The following CACNB4 variants were observed in gnomAD, a reference collection of about 807,000 sequenced individuals.
CACNB4 encodes the protein calcium voltage-gated channel auxiliary subunit beta 4.
CACNB4 carries 32 observed loss-of-function variants against 71.2 expected under a neutral mutation model. The ratio of observed to expected loss-of-function variants is 0.45; its 90% CI spans 0.34 to 0.60. The LOEUF (loss-of-function observed/expected upper bound fraction) is 0.60. CACNB4 is among the 20% of genes least tolerant of loss of function. CACNB4 has a pLI of 0.01. For synonymous variants in CACNB4, 231 were observed against 236.9 expected (o/e 0.97, Z 0.23); for missense variants, 464 against 647.9 (o/e 0.72, Z 3.08).
At chr2:151,952,712 G>A (rs1056327013) in intron 2 of CACNB4, among the ~76,000 whole-genome samples, 9 of 152,184 alleles carry the variant, frequency 5.9e-5, no homozygotes, top group Admixed American at 1.3e-4. Context: ...GCAAATCAAC[G>A]CCCTGATTCC....
At chr2:151,904,939 G>C (rs2099854420) in intron 2 of CACNB4, among the ~76,000 whole-genome samples, 1 of 152,180 alleles carries the variant, frequency 6.6e-6, no homozygotes, top group Non-Finnish European at 1.5e-5. Flanking sequence ...TGAAAACTAT[G>C]CACTATTGGG....
Position 151,998,315 on chromosome 2 carries a change from C to CA in CACNB4, c.147+100014dup, listed in dbSNP as rs70974815. Among the ~76,000 whole-genome samples, 825 of 110,620 alleles carry CA rather than the reference C, an allele frequency of 7.5e-3. 48 individuals are homozygous for CA. The highest frequency in any genetic ancestry group is 0.03 in the African/African-American group (745 of 24,898). 72.6% of individuals were successfully genotyped at this position (110,620 alleles called of 152,430 possible). On this transcript the variant is annotated intron_variant, in intron 2 of 13. Coordinates refer to ENST00000539935, the MANE Select transcript of CACNB4 (RefSeq NM_000726.5). ...AATCCAGCCTGGGCAACTCCATCTC[C>CA]AAAAAAAAAAAAAAAAAAAAAAAAA...
intron 2 of CACNB4, among the ~76,000 whole-genome samples, chr2:152,028,502 A>G (rs1347169372): frequency 1.3e-5 from 2 of 152,134 alleles, no homozygotes; most frequent in South Asian, 2.1e-4. Flanking sequence ...TACTTAACCT[A>G]TATGATTTCT....
intron 2 of CACNB4, among the ~76,000 whole-genome samples, chr2:151,964,087 A>T (rs113019918): frequency 2.0e-5 from 3 of 151,008 alleles, no homozygotes; most frequent in Admixed American, 6.6e-5. Flanking sequence ...AAAAAAAAAA[A>T]AAAGAATGTT....
intron 2 of CACNB4, among the ~76,000 whole-genome samples, chr2:152,023,802 G>A (rs1179274196): frequency 6.6e-6 from 1 of 152,222 alleles, no homozygotes; most frequent in Non-Finnish European, 1.5e-5. Flanking sequence ...GAAGCAATGT[G>A]TGAAAACAAC....
intron 2 of CACNB4, among the ~76,000 whole-genome samples, chr2:152,078,233 A>G (rs1030109535): frequency 1.3e-5 from 2 of 152,218 alleles, no homozygotes; most frequent in Non-Finnish European, 2.9e-5. Flanking sequence ...CATGATTTTC[A>G]TAGAGCCCTC....
chr2:151,973,800 T>C (rs2099873245), intron 2 of CACNB4: 1 of 1,550,102 alleles, frequency 6.5e-7, no homozygotes, highest in Non-Finnish European at 8.7e-7. Context: ...AGAAAAGGCC[T>C]GTTTGGGAGA....
chr2:151,962,908 T>A (rs1159018930), intron 2 of CACNB4: 1 of 152,204 alleles, frequency 6.6e-6, no homozygotes, highest in Non-Finnish European at 1.5e-5. Context: ...AACTGTTTTG[T>A]AAGCTGTCAA....
At chr2:151,904,245 A>G (rs572465431) in intron 2 of CACNB4, among the ~76,000 whole-genome samples, 2 of 152,342 alleles carry the variant, frequency 1.3e-5, no homozygotes, top group African/African-American at 4.8e-5. Context: ...CATTAATTTT[A>G]CTAAAGATTC....
chr2:151,883,612 T>C, intron 2 of CACNB4: 1 of 499,956 alleles, frequency 2.0e-6, no homozygotes, highest in African/African-American at 1.9e-5. Context: ...TAAACTGCAA[T>C]GAAAATTATG....
Position 152,008,786 on chromosome 2 carries a change from G to A in CACNB4, c.147+89544C>T, listed in dbSNP as rs185357661. ...TGATCTCTTGCAGCCTGGGTGCAGCGGGGAGCTTGTTGGGAATGCAAAATC... is the reference window on the plus strand; with the variant it reads ...TGATCTCTTGCAGCCTGGGTGCAGCAGGGAGCTTGTTGGGAATGCAAAATC... On this transcript the variant is annotated intron_variant, in intron 2 of 13. Coordinates refer to ENST00000539935, the MANE Select transcript of CACNB4 (RefSeq NM_000726.5). Among the ~76,000 whole-genome samples, 121 of 152,146 alleles carry A rather than the reference G, an allele frequency of 8.0e-4. 1 individual carries two copies. The highest frequency in any genetic ancestry group is 6.2e-3 in the Admixed American group (95 of 15,276).
intron 2 of CACNB4, among the ~76,000 whole-genome samples, chr2:152,063,632 C>A (rs1173242707): frequency 2.0e-5 from 3 of 152,306 alleles, no homozygotes; most frequent in South Asian, 2.1e-4. Context: ...TTTCAAGAAG[C>A]CTGTGTTAAT....
intron 2 of CACNB4, among the ~76,000 whole-genome samples, chr2:152,092,518 T>C (rs1688029467): frequency 1.3e-5 from 2 of 152,312 alleles, no homozygotes; most frequent in South Asian, 4.1e-4. Flanking sequence ...GGTTCCTTGT[T>C]CCAAGGTAGA....
chr2:151,878,505 G>A (rs1330935852), intron 4 of CACNB4, among the ~76,000 whole-genome samples: 2 of 148,648 alleles, frequency 1.3e-5, no homozygotes, highest in South Asian at 4.2e-4. Context: ...ATCAGTTGAG[G>A]CCAGGAGTTT....
chr2:152,005,040 T>C (rs149455462), intron 2 of CACNB4, among the ~76,000 whole-genome samples: 43 of 152,274 alleles, frequency 2.8e-4, no homozygotes, highest in Non-Finnish European at 5.0e-4. Flanking sequence ...GGTGAGGTCG[T>C]GGCAAAAAAG....
At chr2:152,079,875 G>T (rs1359249005) in intron 2 of CACNB4, among the ~76,000 whole-genome samples, 2 of 152,182 alleles carry the variant, frequency 1.3e-5, no homozygotes, top group Admixed American at 1.3e-4. Context: ...GAAAAAGGCT[G>T]ATGTCTGAGT....
intron 2 of CACNB4, among the ~76,000 whole-genome samples, chr2:151,965,413 A>T (rs1057314939): frequency 6.6e-5 from 10 of 152,226 alleles, no homozygotes; most frequent in African/African-American, 2.4e-4. Flanking sequence ...TGACTTTTAA[A>T]ATTAATGACT....
chr2:152,070,184 A>G (rs1350805583), intron 2 of CACNB4, among the ~76,000 whole-genome samples: 1 of 152,174 alleles, frequency 6.6e-6, no homozygotes, highest in Non-Finnish European at 1.5e-5. Flanking sequence ...AGAATATGTC[A>G]TGACTTCACA....
intron 5 of CACNB4, among the ~76,000 whole-genome samples, chr2:151,875,921 C>T (rs1376534929): frequency 2.2e-5 from 1 of 46,284 alleles, no homozygotes; most frequent in Non-Finnish European, 4.9e-5. Context: ...TAGGGGCGGC[C>T]GGGCAGAGGC....
Sources: allele counts gnomAD v4.1 joint callset (sites outside exome capture counted in the v4.1 genomes callset), GRCh38; gene constraint gnomAD v4.1.1; transcripts MANE v1.5; gene names NCBI Gene and HGNC (gene_info 2026-07-23, HGNC 2026-07-21).